Variants in IPO11 observed in about 807,000 individuals in gnomAD.
IPO11 encodes importin-11.
Under a neutral mutation model 143.2 loss-of-function variants are expected in IPO11, and 66 were observed. That is an observed-to-expected ratio of 0.46 (90% CI 0.38 to 0.57). IPO11 has a LOEUF of 0.57. IPO11 is among the 20% of genes least tolerant of loss of function. The pLI, the probability that IPO11 is intolerant of heterozygous loss-of-function variation, is 0.00. For missense variants in IPO11, 1,026 were observed against 1,141.0 expected (o/e 0.90, Z 1.45); for synonymous variants, 385 against 377.8 (o/e 1.02, Z -0.22).
intron 12 of IPO11, among the ~76,000 whole-genome samples, chr5:62,487,452 G>A (rs755448260): frequency 2.3e-4 from 35 of 152,014 alleles, no homozygotes; most frequent in Non-Finnish European, 4.1e-4. Context: ...TAAATGAGTG[G>A]CTACAGAATG....
intron 24 of IPO11, among the ~76,000 whole-genome samples, chr5:62,543,909 G>C (rs914382473): frequency 6.6e-6 from 1 of 152,112 alleles, no homozygotes; most frequent in Non-Finnish European, 1.5e-5. Flanking sequence ...TGGTTTCAAA[G>C]AACAGCTTTA....
At chr5:62,527,421 A>G (rs1286496268) in intron 21 of IPO11, among the ~76,000 whole-genome samples, 2 of 152,218 alleles carry the variant, frequency 1.3e-5, no homozygotes, top group Non-Finnish European at 2.9e-5. Context: ...ATTAAACATC[A>G]TTTATAGAAA....
chr5:62,487,834 C>T lies in IPO11; in HGVS notation c.1282C>T (p.Leu428Phe). The change falls in exon 13 of 30, where the codon CTT (leucine) becomes TTT (phenylalanine). Residue 428 changes from leucine (L) to phenylalanine (F), a missense_variant. Around this residue, in one of 5 missense-constraint regions of IPO11, gnomAD observed 237 missense variants for 288.0 expected, o/e 0.82. Coordinates refer to ENST00000325324, the MANE Select transcript of IPO11 (RefSeq NM_016338.5). ...ATATAATCAGACTCTTACTCCTGTACTTCTAGAAATGATGCAAACACTTCA... is the reference window on the plus strand; with the variant it reads ...ATATAATCAGACTCTTACTCCTGTATTTCTAGAAATGATGCAAACACTTCA... The part of the protein sequence containing the change: ...HEYNQTLTPV[L>F]LEMMQTLQGP... 1 of 1,610,074 alleles carries T rather than the reference C, an allele frequency of 6.2e-7. No individual in the cohort carries two copies. The highest frequency in any genetic ancestry group is 8.5e-7 in the Non-Finnish European group (1 of 1,178,628).
chr5:62,502,412 C>T (rs1201898367), intron 16 of IPO11, among the ~76,000 whole-genome samples: 2 of 152,144 alleles, frequency 1.3e-5, no homozygotes, highest in Non-Finnish European at 2.9e-5. Context: ...GTGGTAAGTA[C>T]CTCTTATTTC....
At chr5:62,516,219 G>A (rs1386926874) in intron 20 of IPO11, among the ~76,000 whole-genome samples, 2 of 151,964 alleles carry the variant, frequency 1.3e-5, no homozygotes, top group African/African-American at 4.8e-5. Flanking sequence ...AATTAGTTTA[G>A]AAAAAACCAG....
intron 1 of IPO11, chr5:62,418,968 G>T: frequency 6.5e-7 from 1 of 1,534,280 alleles, no homozygotes. Flanking sequence ...GAAATGGGTC[G>T]TTAGGCAATT....
intron 2 of IPO11, among the ~76,000 whole-genome samples, chr5:62,440,330 G>A (rs540136486): frequency 2.7e-5 from 4 of 150,422 alleles, no homozygotes; most frequent in Admixed American, 2.7e-4. Context: ...TCTAAAATTG[G>A]CTGTATAGTG....
At chr5:62,463,040 A>G (rs1265234306) in intron 5 of IPO11, among the ~76,000 whole-genome samples, 2 of 152,044 alleles carry the variant, frequency 1.3e-5, no homozygotes, top group Non-Finnish European at 2.9e-5. Flanking sequence ...TATATATAAG[A>G]AAAACATTCA....
intron 20 of IPO11, among the ~76,000 whole-genome samples, chr5:62,520,014 A>G (rs933757178): frequency 2.6e-5 from 4 of 152,218 alleles, no homozygotes; most frequent in Non-Finnish European, 5.9e-5. Context: ...CTCAAATGTC[A>G]GATCCCCCGA....
Position 62,483,154 on chromosome 5 carries a change from A to T in IPO11, c.882A>T (p.Arg294Ser). The T allele has an allele frequency of 1.9e-6, 3 of 1,609,956 alleles. No individual in the cohort carries two copies. The highest frequency in any genetic ancestry group is 2.5e-6 in the Non-Finnish European group (3 of 1,177,350). ...TTTCATTTACTCCTCTAATTCAGAG[A>T]TCACTGGAATTTTCTGTAAGCTATG... is the stretch of plus-strand genomic sequence containing the variant. ...HPFSFTPLIQ[R>S]SLEFSVSYVF... The change falls in exon 10 of 30, where the codon AGA (arginine) becomes AGT (serine). Residue 294 changes from arginine to serine, a missense_variant. Transcript: ENST00000325324.
chr5:62,598,513 T>C lies in IPO11; in HGVS notation c.2679-3251T>C, dbSNP rs1387127188. Among the ~76,000 whole-genome samples the C allele has an allele frequency of 1.3e-3, 9 of 6,736 alleles. No individual in the cohort carries two copies. The African/African-American group carries it at 0.016, about 12-fold the overall frequency. 4.4% of individuals were successfully genotyped at this position (6,736 alleles called of 152,430 possible). A position where few individuals can be genotyped will look rare whatever the true frequency, so the allele number is the denominator to read the frequency against. The stretch of plus-strand genomic sequence containing the variant: ...CTCTCTCTTTCTTTCTTTCTTTCTT[T>C]CTTTCTTTCTTTCTTTTCTTTCTTT... On this transcript the variant is annotated intron_variant, in intron 28 of 29. Transcript: ENST00000325324.
At chr5:62,557,276 C>T (rs557818519) in intron 26 of IPO11, among the ~76,000 whole-genome samples, 2 of 152,154 alleles carry the variant, frequency 1.3e-5, no homozygotes, top group East Asian at 1.9e-4. Context: ...CTCCACCTCC[C>T]GGGTTCAAGT....
intron 7 of IPO11, among the ~76,000 whole-genome samples, chr5:62,471,714 T>C (rs576128964): frequency 6.6e-6 from 1 of 152,346 alleles, no homozygotes; most frequent in East Asian, 1.9e-4. Flanking sequence ...AAAATGATTG[T>C]ATGGTACATT....
chr5:62,567,640 G>C (rs963655954), intron 27 of IPO11, among the ~76,000 whole-genome samples: 4 of 137,706 alleles, frequency 2.9e-5, no homozygotes, highest in African/African-American at 1.1e-4. Context: ...TCGGCCCACT[G>C]CAACCTCCGC....
chr5:62,513,637 G>A (rs1198336451), intron 19 of IPO11, among the ~76,000 whole-genome samples: 5 of 145,642 alleles, frequency 3.4e-5, no homozygotes, highest in African/African-American at 5.1e-5. Flanking sequence ...AGGGGCGGCC[G>A]GGCAGAGGCG....
chr5:62,621,553 T>C (rs1746376775), intron 29 of IPO11, among the ~76,000 whole-genome samples: 2 of 152,164 alleles, frequency 1.3e-5, no homozygotes, highest in Non-Finnish European at 2.9e-5. Flanking sequence ...CAGGCTGTTT[T>C]AGGCTTGAAG....
At chr5:62,557,366 A>G (rs149225444) in intron 26 of IPO11, among the ~76,000 whole-genome samples, 180 of 152,262 alleles carry the variant, frequency 1.2e-3, no homozygotes, top group African/African-American at 4.2e-3. Flanking sequence ...TATTTTTAGT[A>G]GAGACAGCGT....
chr5:62,455,747 A>C (rs975447345), intron 5 of IPO11, among the ~76,000 whole-genome samples: 3 of 152,116 alleles, frequency 2.0e-5, no homozygotes, highest in African/African-American at 7.2e-5. Context: ...GATTTGACAC[A>C]AAAAGGAATT....
chr5:62,442,228 G>A (rs1340547762), intron 2 of IPO11, among the ~76,000 whole-genome samples: 1 of 152,100 alleles, frequency 6.6e-6, no homozygotes, highest in Admixed American at 6.6e-5. Context: ...ATTAACCCCG[G>A]GGCCTTGACT....
Sources: gnomAD v4.1 joint callset for allele counts (sites outside exome capture counted in the v4.1 genomes callset) on GRCh38, gnomAD v4.1.1 for gene constraint, gnomAD v4.1.1 regional missense constraint, MANE v1.5 for transcripts, NCBI Gene and HGNC (gene_info 2026-07-23, HGNC 2026-07-21) for gene names.